SND1: variants seen among roughly 807,000 people sequenced by gnomAD.
The protein encoded by SND1 is staphylococcal nuclease domain-containing protein 1.
SND1 carries 38 observed loss-of-function variants against 121.7 expected under a neutral mutation model. The observed-to-expected ratio is 0.31, with a 90% confidence interval of 0.24 to 0.41. SND1 has a LOEUF of 0.41. SND1 is among the 10% of genes least tolerant of loss of function. The pLI is 1.00. For missense variants in SND1, 868 were observed against 1,184.6 expected, an observed-to-expected ratio of 0.73 and a Z score of 3.92; for synonymous variants, 401 against 447.4, an observed-to-expected ratio of 0.90 and a Z score of 1.31.
chr7:128,055,704 AATGACTTTTTTCCTTT>A (rs1482758307), intron 16 of SND1, among the ~76,000 whole-genome samples: 3 of 152,098 alleles, frequency 2.0e-5, no homozygotes, highest in Non-Finnish European at 4.4e-5. Context: ...AAGCTTCCTT[AATGACTTTTTTCCTTT>A]ATACTGACAC....
chr7:127,814,827 G>A lies in SND1; in HGVS notation c.1242+7254G>A, dbSNP rs142369531. Among the ~76,000 whole-genome samples the A allele has an allele frequency of 6.7e-3, 1,024 of 152,274 alleles. 11 individuals carry two copies. Among genetic ancestry groups the A allele is most frequent in the Middle Eastern group, 0.017 (5 of 294 alleles). ...TTGTTTGCGTGTGAGAAGGTAGGAT[G>A]CACAAGTGTCTGTTGGTTCTAAGGT... On this transcript the variant is annotated intron_variant, in intron 11 of 23. Transcript: ENST00000354725.
intron 14 of SND1, among the ~76,000 whole-genome samples, chr7:127,927,350 G>A (rs7779801): frequency 1.2e-3 from 176 of 152,280 alleles, no homozygotes; most frequent in African/African-American, 3.9e-3. Context: ...CATGATTTGC[G>A]ATAATCAATT....
intron 10 of SND1, among the ~76,000 whole-genome samples, chr7:127,735,250 A>ATTGAGTGGACTG (rs1554418434): frequency 1.3e-5 from 2 of 151,864 alleles, no homozygotes; most frequent in African/African-American, 4.8e-5. Context: ...TCTCCTTAGT[A>ATTGAGTGGACTG]TTGAGTGGAC....
chr7:127,985,136 C>T (rs1052702719), intron 15 of SND1, among the ~76,000 whole-genome samples: 19 of 152,222 alleles, frequency 1.2e-4, no homozygotes, highest in African/African-American at 2.4e-4. Context: ...CACTGACTTC[C>T]CATTCCCAGC....
In SND1 at chr7:127,857,574, A is replaced by G. The variant is rs115347024; in HGVS notation, c.1343+13150A>G. ...GGTGTTTACTTGGCAAGCAGAGTCC[A>G]GGCAGGGAGGCCACGGGACCCCTGA... On this transcript the variant is annotated intron_variant, in intron 12 of 23. Transcript: ENST00000354725. Among the ~76,000 whole-genome samples, 874 of 150,898 alleles carry G rather than the reference A, an allele frequency of 5.8e-3. 16 individuals carry two copies. The highest frequency in any genetic ancestry group is 0.02 in the African/African-American group (833 of 40,980).
At chr7:128,041,334 C>T (rs998830905) in intron 16 of SND1, among the ~76,000 whole-genome samples, 2 of 152,112 alleles carry the variant, frequency 1.3e-5, no homozygotes, top group African/African-American at 4.8e-5. Context: ...TTGGGAACAC[C>T]GGGAAACCAG....
chr7:128,018,202 A>AG (rs1239116202), intron 16 of SND1, among the ~76,000 whole-genome samples: 5 of 152,234 alleles, frequency 3.3e-5, no homozygotes, highest in African/African-American at 1.2e-4. Context: ...TGATATAGGA[A>AG]GGGGGAGTGC....
At chr7:127,828,747 A>G (rs929378130) in intron 11 of SND1, among the ~76,000 whole-genome samples, 13 of 152,186 alleles carry the variant, frequency 8.5e-5, no homozygotes, top group Admixed American at 7.9e-4. Flanking sequence ...ATAGCTCAAA[A>G]TGTTACCTCC....
In SND1 at chr7:127,953,151, CGTGTGTGTGTGTGTGTGT is replaced by C. The variant is rs59825900; in HGVS notation, c.1669+23875_1669+23892del. 4.7e-3 allele frequency among the ~76,000 whole-genome samples: 436 copies of C among 92,336 alleles called. 4 individuals are homozygous for C. Among genetic ancestry groups the C allele is most frequent in the East Asian group, 0.011 (28 of 2,494 alleles). The allele number at this position is 92,336 out of a possible 152,430, so 60.6% of individuals were successfully genotyped here. On this transcript the variant is annotated intron_variant, in intron 15 of 23. Transcript: ENST00000354725. ...TGCACTCCAGCCTGGGTGACAAGAC[CGTGTGTGTGTGTGTGTGT>C]GTGTGTGTGTGTGTGTGTGTGTGTG...
In SND1 at chr7:127,830,181, G is replaced by C. The variant is rs564745173; in HGVS notation, c.1243-14143G>C. On this transcript the variant is annotated intron_variant, in intron 11 of 23. Transcript: ENST00000354725. ...GTGGATCACATGAGGTCAGGAGTTA[G>C]AGACCAGCCTGACCAACAAGGTGAA... Among the ~76,000 whole-genome samples, 6 of 152,238 alleles carry C rather than the reference G, an allele frequency of 3.9e-5. No homozygotes were observed. The East Asian group carries it at 1.2e-3, about 29-fold the overall frequency.
rs1233207885 is a variant in SND1, at chr7:127,898,309, A to G, written c.1455-6438A>G. On this transcript the variant is annotated intron_variant, in intron 13 of 23. Coordinates refer to ENST00000354725, the MANE Select transcript of SND1 (RefSeq NM_014390.4). ...CCACCTCCCCTTGACTGTAGGACTCAATTTCCTCATTTCCAGTCTATGCAC... is the reference window on the plus strand; with the variant it reads ...CCACCTCCCCTTGACTGTAGGACTCGATTTCCTCATTTCCAGTCTATGCAC... 2.6e-5 allele frequency among the ~76,000 whole-genome samples: 4 copies of G among 152,244 alleles called. No homozygotes were observed. The East Asian group carries it at 7.7e-4, about 29-fold the overall frequency.
intron 10 of SND1, among the ~76,000 whole-genome samples, chr7:127,803,002 A>G (rs1798163821): frequency 1.3e-5 from 2 of 152,134 alleles, no homozygotes; most frequent in Non-Finnish European, 2.9e-5. Flanking sequence ...GATTACTATC[A>G]TAATCTCCTA....
At chr7:127,936,219 C>G (rs1326126962) in intron 15 of SND1, among the ~76,000 whole-genome samples, 2 of 152,100 alleles carry the variant, frequency 1.3e-5, no homozygotes, top group Non-Finnish European at 2.9e-5. Context: ...CAAGGTCTCT[C>G]TGCCTGCTGC....
At chr7:127,901,024 G>C (rs1047171598) in intron 13 of SND1, among the ~76,000 whole-genome samples, 2 of 152,198 alleles carry the variant, frequency 1.3e-5, no homozygotes, top group African/African-American at 2.4e-5. Flanking sequence ...ATGCAGACTT[G>C]TGGCTGAGGC....
intron 15 of SND1, among the ~76,000 whole-genome samples, chr7:127,985,893 T>A (rs925317187): frequency 2.0e-5 from 3 of 152,224 alleles, no homozygotes; most frequent in African/African-American, 7.2e-5. Context: ...ACAGCGGGCA[T>A]GCAGTAGACA....
chr7:127,701,407 TA>T, intron 5 of SND1, 84 bp downstream of exon 5: 1 of 1,392,574 alleles, frequency 7.2e-7, no homozygotes, highest in Non-Finnish European at 9.8e-7. Context: ...TTGTAAAATC[TA>T]GTAAGCCTTT....
chr7:128,032,906 G>C (rs1401103425), intron 16 of SND1, among the ~76,000 whole-genome samples: 1 of 152,226 alleles, frequency 6.6e-6, no homozygotes, highest in Non-Finnish European at 1.5e-5. Flanking sequence ...AGTGTGATGA[G>C]CTGGGGAATG....
chr7:128,067,137 G>A (rs1406771106), intron 16 of SND1, among the ~76,000 whole-genome samples: 1 of 152,150 alleles, frequency 6.6e-6, no homozygotes, highest in Non-Finnish European at 1.5e-5. Context: ...TGACCTCAGA[G>A]AATGCAGAGC....
At chr7:127,988,494 T>C (rs564177522) in intron 15 of SND1, among the ~76,000 whole-genome samples, 13 of 152,340 alleles carry the variant, frequency 8.5e-5, no homozygotes, top group African/African-American at 2.9e-4. Context: ...CCCAGAGGAC[T>C]ATCTCATGAA....
Sources: gnomAD v4.1 joint callset for allele counts (sites outside exome capture counted in the v4.1 genomes callset) on GRCh38, gnomAD v4.1.1 for gene constraint, MANE v1.5 for transcripts, NCBI Gene and HGNC (gene_info 2026-07-23, HGNC 2026-07-21) for gene names.